The following RAPGEF5 variants were observed in gnomAD, a reference collection of about 807,000 sequenced individuals.
RAPGEF5 encodes M-Ras-regulated GEF.
Under a neutral mutation model 125.2 loss-of-function variants are expected in RAPGEF5, and 65 were observed. The observed-to-expected ratio is 0.52, with a 90% CI of 0.43 to 0.64. The LOEUF (loss-of-function observed/expected upper bound fraction) is 0.64, where lower values mean the gene tolerates loss of function less well. RAPGEF5 is among the 30% of genes least tolerant of loss of function. The pLI is 0.00. For missense variants in RAPGEF5, 958 were observed against 1,048.1 expected (o/e 0.91, Z 1.19); for synonymous variants, 391 against 385.9 (o/e 1.01, Z -0.16).
At chr7:22,162,811 C>T (rs1784049476) in intron 12 of RAPGEF5, among the ~76,000 whole-genome samples, 2 of 152,182 alleles carry the variant, frequency 1.3e-5, no homozygotes, top group Admixed American at 1.3e-4. Flanking sequence ...AGGCAACATG[C>T]AGTTAATGCC....
At chr7:22,230,940 T>A in intron 7 of RAPGEF5, 21 bp from the exon 8 acceptor site, 1 of 1,542,998 alleles carries the variant, frequency 6.5e-7, no homozygotes, top group Non-Finnish European at 8.8e-7. Flanking sequence ...AGAACACCAT[T>A]AAACAAATGT....
At chr7:22,278,470 G>C (rs755038725) in intron 6 of RAPGEF5, among the ~76,000 whole-genome samples, 1 of 151,790 alleles carries the variant, frequency 6.6e-6, no homozygotes, top group East Asian at 1.9e-4. Flanking sequence ...TAGTAATGTA[G>C]GTTTATGTTT....
intron 13 of RAPGEF5, 103 bp from the exon 14 acceptor site, chr7:22,160,718 C>A: frequency 7.5e-7 from 1 of 1,337,288 alleles, no homozygotes; most frequent in South Asian, 1.8e-5. Context: ...AGGAGGGATT[C>A]AGGACAATGT....
intron 12 of RAPGEF5, 105 bp downstream of exon 12, chr7:22,166,965 A>G (rs1221157104): frequency 4.5e-6 from 4 of 882,960 alleles, no homozygotes; most frequent in Non-Finnish European, 7.2e-6. Context: ...ACATATCCAC[A>G]TTCTACTATG....
intron 21 of RAPGEF5, among the ~76,000 whole-genome samples, chr7:22,138,404 C>T (rs1043571268): frequency 2.0e-5 from 3 of 152,244 alleles, no homozygotes; most frequent in African/African-American, 7.2e-5. Flanking sequence ...TTTTTCCTCG[C>T]TGGCCCTTTA....
intron 6 of RAPGEF5, among the ~76,000 whole-genome samples, chr7:22,279,027 C>T (rs1039429634): frequency 6.6e-6 from 1 of 152,100 alleles, no homozygotes; most frequent in African/African-American, 2.4e-5. Flanking sequence ...AGCTACATAG[C>T]CTATTCAAAC....
chr7:22,220,047 A>T, intron 8 of RAPGEF5, 56 bp from the exon 9 acceptor site: 1 of 1,585,678 alleles, frequency 6.3e-7, no homozygotes, highest in Non-Finnish European at 8.6e-7. Context: ...CCAGGACATG[A>T]CACCACCGCA....
At chr7:22,328,060 A>T (rs1285101472) in intron 1 of RAPGEF5, among the ~76,000 whole-genome samples, 1 of 152,242 alleles carries the variant, frequency 6.6e-6, no homozygotes, top group African/African-American at 2.4e-5. Flanking sequence ...CTCCCCTACT[A>T]GACCGTAAGC....
At chr7:22,187,343 T>A (rs150281761) in intron 11 of RAPGEF5, among the ~76,000 whole-genome samples, 8 of 152,340 alleles carry the variant, frequency 5.3e-5, no homozygotes, top group African/African-American at 1.2e-4. Context: ...GCTCAAAGTC[T>A]CAGGCTGTTT....
rs17146542 is a variant in RAPGEF5, at chr7:22,279,808, G to C, written c.747+11367C>G. ...CAAATGACAGGGGTCTTAATCACTT[G>C]AATTGGCTGGCATTTGTTCCTAAAG... On this transcript the variant is annotated intron_variant, in intron 6 of 25. Coordinates refer to ENST00000665637, the MANE Select transcript of RAPGEF5 (RefSeq NM_012294.5). 8.8e-3 allele frequency among the ~76,000 whole-genome samples: 1,336 copies of C among 152,294 alleles called. 59 individuals are homozygous for C. Among genetic ancestry groups the C allele is most frequent in the Admixed American group, 0.07 (1,064 of 15,304 alleles).
intron 1 of RAPGEF5, chr7:22,355,837 T>C: frequency 2.0e-6 from 1 of 509,764 alleles, no homozygotes; most frequent in Non-Finnish European, 2.5e-6. Flanking sequence ...GAGCTAGAAG[T>C]CTCCCAGCAA....
chr7:22,336,762 C>T (rs1784034400), intron 1 of RAPGEF5, among the ~76,000 whole-genome samples: 1 of 152,180 alleles, frequency 6.6e-6, no homozygotes, highest in African/African-American at 2.4e-5. Flanking sequence ...AGAACTCTGG[C>T]TTTGCAGAGG....
Position 22,215,714 on chromosome 7 carries a change from C to A in RAPGEF5, c.996+4152G>T, listed in dbSNP as rs1785621120. ...CCCAGTTAATTCTGAGGAAGGCACA[C>A]ATATTGCAGCAAATGCCAAAGCTCT... On this transcript the variant is annotated intron_variant, in intron 9 of 25. Transcript: ENST00000665637. Among the ~76,000 whole-genome samples, 4 of 152,332 alleles carry A rather than the reference C, an allele frequency of 2.6e-5. No individual in the cohort carries two copies. In the South Asian group the frequency reaches 8.3e-4, roughly 32 times the overall value.
chr7:22,122,313 C>G lies in RAPGEF5; in HGVS notation c.*93G>C, dbSNP rs1015876906. ...CTTGGGTTATACTGATAAAACTCAG[C>G]AACTTCTTTTCTCACAGGAAAGCAA... On this transcript the variant is annotated 3_prime_UTR_variant, in exon 26 of 26. Transcript: ENST00000665637. 1 of 1,046,762 alleles carries G rather than the reference C, an allele frequency of 9.6e-7. No individual in the cohort carries two copies. Among genetic ancestry groups the G allele is most frequent in the Admixed American group, 2.0e-5 (1 of 49,726 alleles). 64.8% of individuals were successfully genotyped at this position (1,046,762 alleles called of 1,614,324 possible).
chr7:22,191,559 A>G (rs746311331), intron 11 of RAPGEF5: 7 of 471,046 alleles, frequency 1.5e-5, no homozygotes, highest in South Asian at 7.7e-5. Context: ...TGGTGCTAGG[A>G]GAGTCAAGCC....
At chr7:22,148,346 C>T (rs973034605) in intron 18 of RAPGEF5, among the ~76,000 whole-genome samples, 3 of 152,206 alleles carry the variant, frequency 2.0e-5, no homozygotes, top group African/African-American at 7.2e-5. Flanking sequence ...GAGTTATTAA[C>T]TCTATTTATT....
In RAPGEF5 at chr7:22,356,854, C is replaced by CCTCCGCAGCGTGAGCCCG. The variant is rs1784431094; in HGVS notation, c.189_206dup (p.Ser63_Arg68dup). On this transcript the variant is annotated inframe_insertion, in exon 1 of 26. Transcript: ENST00000665637. Reference sequence around the variant, plus strand: ...CCCGGCCCCCAGCGGCGCTCCGCTTCCTCCGCAGCGTGAGCCCGCTCCGCA... The same window carrying CCTCCGCAGCGTGAGCCCG: ...CCCGGCCCCCAGCGGCGCTCCGCTTCCTCCGCAGCGTGAGCCCGCTCCGCAGCGTGAGCCCGCTCCGCA... The CCTCCGCAGCGTGAGCCCG allele has an allele frequency of 1.7e-6, 2 of 1,165,320 alleles. No individual in the cohort carries two copies. Among genetic ancestry groups the CCTCCGCAGCGTGAGCCCG allele is most frequent in the South Asian group, 4.2e-5 (1 of 23,748 alleles). The allele number at this position is 1,165,320 out of a possible 1,614,324, so 72.2% of individuals were successfully genotyped here.
intron 19 of RAPGEF5, among the ~76,000 whole-genome samples, chr7:22,146,612 C>G (rs1439359866): frequency 1.3e-5 from 2 of 152,076 alleles, no homozygotes; most frequent in Non-Finnish European, 2.9e-5. Context: ...TTCATCAACC[C>G]CATTAGAGCC....
intron 11 of RAPGEF5, among the ~76,000 whole-genome samples, chr7:22,178,638 G>C (rs1356358410): frequency 4.6e-5 from 7 of 152,198 alleles, no homozygotes; most frequent in African/African-American, 1.4e-4. Context: ...GGTCTAAAAA[G>C]GTCCTGAGCA....
Sources: allele counts gnomAD v4.1 joint callset (sites outside exome capture counted in the v4.1 genomes callset), GRCh38; gene constraint gnomAD v4.1.1; transcripts MANE v1.5; gene names NCBI Gene and HGNC (gene_info 2026-07-23, HGNC 2026-07-21).